Variants in KIF16B observed in about 807,000 individuals in gnomAD.
The protein encoded by KIF16B is kinesin family member 16B, also known as kinesin-like protein KIF16B.
KIF16B carries 98 observed loss-of-function variants against 156.3 expected under a neutral mutation model. The ratio of observed to expected loss-of-function variants is 0.63; its 90% CI spans 0.53 to 0.74. The LOEUF (loss-of-function observed/expected upper bound fraction) is 0.74. KIF16B is among the 30% of genes least tolerant of loss of function. The pLI, the probability that KIF16B is intolerant of heterozygous loss-of-function variation, is 0.00. For synonymous variants in KIF16B, 564 were observed against 583.7 expected (o/e 0.97, Z 0.49); for missense variants, 1,421 against 1,606.5 (o/e 0.88, Z 1.97).
chr20:16,482,883 G>A (rs2068018995), intron 12 of KIF16B, among the ~76,000 whole-genome samples: 1 of 152,170 alleles, frequency 6.6e-6, no homozygotes, highest in African/African-American at 2.4e-5. Flanking sequence ...CACAGAAGCT[G>A]TGGTGAATGA....
At chr20:16,450,909 G>A (rs2067062588) in intron 12 of KIF16B, among the ~76,000 whole-genome samples, 1 of 152,218 alleles carries the variant, frequency 6.6e-6, no homozygotes, top group African/African-American at 2.4e-5. Context: ...GCAGGTTATA[G>A]TTTACTATTT....
chr20:16,500,615 T>A (rs758724235), intron 10 of KIF16B, among the ~76,000 whole-genome samples: 2 of 152,190 alleles, frequency 1.3e-5, no homozygotes, highest in African/African-American at 4.8e-5. Flanking sequence ...TCATGTCTGA[T>A]TTTAATTGTT....
chr20:16,329,512 T>C (rs778857704), intron 24 of KIF16B, among the ~76,000 whole-genome samples: 1 of 152,216 alleles, frequency 6.6e-6, no homozygotes, highest in Non-Finnish European at 1.5e-5. Context: ...AAAGATCTGC[T>C]CTCTGGAAGA....
intron 20 of KIF16B, among the ~76,000 whole-genome samples, chr20:16,373,524 T>C (rs2123338491): frequency 6.6e-6 from 1 of 150,984 alleles, no homozygotes; most frequent in South Asian, 2.2e-4. Context: ...ATCACTTAAC[T>C]AAAGTAACAT....
chr20:16,312,359 A>C lies in KIF16B; in HGVS notation c.3771T>G (p.Ile1257Met). 1 of 1,613,518 alleles carries C rather than the reference A, an allele frequency of 6.2e-7. No individual in the cohort carries two copies. The highest frequency in any genetic ancestry group is 8.5e-7 in the Non-Finnish European group (1 of 1,179,674). Residue 1257 changes from isoleucine (I) to methionine (M), a missense_variant, in exon 25 of 26, where the codon ATT (isoleucine) becomes ATG (methionine). Ile to Met is a conservative substitution (Grantham distance 10). Coordinates refer to ENST00000354981, the MANE Select transcript of KIF16B (RefSeq NM_024704.5). ...KLFGNKDERVIAERRSHLEKY... is the reference protein window; with the variant it reads ...KLFGNKDERVMAERRSHLEKY... ...CCTCTAAGTGACTTCGTCTCTCAGC[A>C]ATCACACGTTCATCCTTATTTCCAA...
At chr20:16,557,117 T>TATTAATC (rs2070877524) in intron 1 of KIF16B, among the ~76,000 whole-genome samples, 1 of 148,436 alleles carries the variant, frequency 6.7e-6, no homozygotes, top group Non-Finnish European at 1.5e-5. Context: ...TAATCATTAA[T>TATTAATC]ATTAATCATT....
rs117508097 is a variant in KIF16B at position 16,314,550 on chromosome 20, G to T, written c.3712-2132C>A. Among the ~76,000 whole-genome samples the T allele has an allele frequency of 7.9e-5, 12 of 152,292 alleles. No individual in the cohort carries two copies. The East Asian group carries it at 2.3e-3, about 29-fold the overall frequency. On this transcript the variant is annotated intron_variant, in intron 24 of 25. Transcript: ENST00000354981. ...AAAGTGAAAGACCATGGGCACTGAGGCAAGACAGACCCAGTCTGAATCCTG... is the reference window on the plus strand; with the variant it reads ...AAAGTGAAAGACCATGGGCACTGAGTCAAGACAGACCCAGTCTGAATCCTG...
chr20:16,305,885 A>G (rs746417942), intron 25 of KIF16B, among the ~76,000 whole-genome samples: 1 of 152,188 alleles, frequency 6.6e-6, no homozygotes, highest in African/African-American at 2.4e-5. Context: ...GTGTATATAT[A>G]CCATATTTTC....
intron 15 of KIF16B, among the ~76,000 whole-genome samples, chr20:16,418,431 C>T (rs1313866638): frequency 2.0e-5 from 3 of 152,102 alleles, no homozygotes; most frequent in Non-Finnish European, 4.4e-5. Context: ...CTTATACTCC[C>T]TCCTTTGCTA....
chr20:16,462,314 T>C (rs910424351), intron 12 of KIF16B, among the ~76,000 whole-genome samples: 27 of 152,154 alleles, frequency 1.8e-4, no homozygotes, highest in Non-Finnish European at 3.8e-4. Context: ...AGAGGGCCCC[T>C]GCAATCCTCA....
chr20:16,282,032 C>CT (rs11478755), intron 25 of KIF16B, among the ~76,000 whole-genome samples: 1,296 of 120,856 alleles, frequency 0.011, 9 homozygotes, highest in Middle Eastern at 0.047. Context: ...TTTTCTGTTT[C>CT]TTTTTTTTTT....
chr20:16,371,605 AAGG>A, intron 21 of KIF16B, 57 bp downstream of exon 21: 1 of 1,097,200 alleles, frequency 9.1e-7, no homozygotes, highest in Non-Finnish European at 1.3e-6. Context: ...AAAAAAAAAA[AAGG>A]AAAAAAGAAA....
In KIF16B at chr20:16,572,391, T is replaced by A. The variant is rs116089303; in HGVS notation, c.47+838A>T. Among the ~76,000 whole-genome samples, 597 of 152,290 alleles carry A rather than the reference T, an allele frequency of 3.9e-3. 7 individuals carry two copies. Among genetic ancestry groups the A allele is most frequent in the African/African-American group, 0.014 (569 of 41,546 alleles). On this transcript the variant is annotated intron_variant, in intron 1 of 25. Coordinates refer to ENST00000354981, the MANE Select transcript of KIF16B (RefSeq NM_024704.5). ...AATATCCACCAACTTGGTAGAGAAG[T>A]CAATAAAATCAAATGGCTCTGTGTG...
chr20:16,551,027 A>G (rs968630334), intron 1 of KIF16B, among the ~76,000 whole-genome samples: 6 of 152,172 alleles, frequency 3.9e-5, no homozygotes, highest in African/African-American at 1.4e-4. Context: ...CTTTGAACAA[A>G]ACATGATTTA....
intron 12 of KIF16B, among the ~76,000 whole-genome samples, chr20:16,468,415 T>C (rs1390676007): frequency 6.6e-6 from 1 of 151,098 alleles, no homozygotes; most frequent in Non-Finnish European, 1.5e-5. Context: ...CTATCACAAA[T>C]ACACAAAAAA....
chr20:16,556,936 C>A (rs1273252285), intron 1 of KIF16B, among the ~76,000 whole-genome samples: 1 of 152,062 alleles, frequency 6.6e-6, no homozygotes, highest in Non-Finnish European at 1.5e-5. Flanking sequence ...ACTCACTAGA[C>A]CTGTGCTGTC....
Position 16,314,618 on chromosome 20 carries a change from C to T in KIF16B, c.3712-2200G>A, listed in dbSNP as rs76702612. Among the ~76,000 whole-genome samples, 926 of 152,244 alleles carry T rather than the reference C, an allele frequency of 6.1e-3. 7 individuals carry two copies. Among genetic ancestry groups the T allele is most frequent in the Admixed American group, 0.015 (223 of 15,300 alleles). Reference sequence around the variant, plus strand: ...CTTACTAGCTACGTTTCTCTGAGCCCGAGTATTCTCTGCTGAAATAAAACC... The same window carrying T: ...CTTACTAGCTACGTTTCTCTGAGCCTGAGTATTCTCTGCTGAAATAAAACC... On this transcript the variant is annotated intron_variant, in intron 24 of 25. Transcript: ENST00000354981.
intron 23 of KIF16B, 35 bp downstream of exon 23, chr20:16,356,295 C>A (rs1246345338): frequency 9.9e-6 from 16 of 1,613,476 alleles, no homozygotes; most frequent in Non-Finnish European, 1.3e-5. Context: ...TAGTCTCCAA[C>A]CTCCATTCTC....
At chr20:16,452,670 C>A (rs972578988) in intron 12 of KIF16B, among the ~76,000 whole-genome samples, 1 of 151,886 alleles carries the variant, frequency 6.6e-6, no homozygotes, top group Non-Finnish European at 1.5e-5. Flanking sequence ...CCCGTCTCTA[C>A]TAAAAATACA....
Sources: gnomAD v4.1 joint callset for allele counts (sites outside exome capture counted in the v4.1 genomes callset) on GRCh38, gnomAD v4.1.1 for gene constraint, MANE v1.5 for transcripts, NCBI Gene and HGNC (gene_info 2026-07-23, HGNC 2026-07-21) for gene names.